Variants in ZNF800 observed in about 807,000 individuals in gnomAD.
ZNF800 encodes the protein zinc finger protein 800.
In ZNF800, 13 loss-of-function variants were observed where a neutral mutation model predicts 59.5. The ratio of observed to expected loss-of-function variants is 0.22; its 90% CI spans 0.14 to 0.35. The LOEUF (loss-of-function observed/expected upper bound fraction) is 0.35. Among genes scored for constraint, ZNF800 ranks in the 10% least tolerant of loss-of-function variants. The probability of loss-of-function intolerance (pLI) is 1.00; values close to 1 mark genes in which losing one functional copy is unlikely to be tolerated. For synonymous variants in ZNF800, 266 were observed against 265.7 expected (o/e 1.00, Z -0.01); for missense variants, 621 against 783.7 (o/e 0.79, Z 2.48).
In ZNF800 at chr7:127,374,724, T is replaced by C. The variant is rs748203706; in HGVS notation, c.612A>G (p.Ala204=). ...CCTGAGGTTGTTCATCAGATGTAGG[T>C]GCAACTTCATCTGTAACAATCTCAA... is the stretch of plus-strand genomic sequence containing the variant. The part of the protein sequence containing the change: ...PPVEIVTDEV[A]PTSDEQPQES... Residue 204 remains alanine, a synonymous_variant, in exon 5 of 6, where the codon GCA becomes GCG. Coordinates refer to ENST00000265827, the MANE Select transcript of ZNF800 (RefSeq NM_176814.5). The C allele has an allele frequency of 1.9e-6, 3 of 1,614,050 alleles. No homozygotes were observed. Among genetic ancestry groups the C allele is most frequent in the East Asian group, 2.2e-5 (1 of 44,870 alleles).
At chr7:127,390,924 T>C (rs910602448) in intron 2 of ZNF800, among the ~76,000 whole-genome samples, 36 of 152,360 alleles carry the variant, frequency 2.4e-4, no homozygotes, top group African/African-American at 7.2e-4. Flanking sequence ...TAATTATGTA[T>C]TCTACCTAAA....
downstream of ZNF800, among the ~76,000 whole-genome samples, chr7:127,345,812 G>C (rs1239738252): frequency 6.6e-6 from 1 of 152,180 alleles, no homozygotes; most frequent in East Asian, 1.9e-4. Flanking sequence ...GTAGCAGAGA[G>C]ACCAGGTGGG....
At chr7:127,363,180 G>A (rs1467503451) in intron 1 of ZNF800, 2 of 152,054 alleles carry the variant, frequency 1.3e-5, no homozygotes, top group Non-Finnish European at 2.9e-5. Flanking sequence ...TTGCATTTAA[G>A]ATACTGGTGA....
In ZNF800 at chr7:127,392,073, C is replaced by A; in HGVS notation, c.-72G>T. On this transcript the variant is annotated 5_prime_UTR_variant, in exon 1 of 6. Coordinates refer to ENST00000265827, the MANE Select transcript of ZNF800 (RefSeq NM_176814.5). Reference sequence around the variant, plus strand: ...CGCCCAACTTACTCAACTCTTAGGGCGGGCCGGCGGGCGGGCGGAAGGAAG... The same window carrying A: ...CGCCCAACTTACTCAACTCTTAGGGAGGGCCGGCGGGCGGGCGGAAGGAAG... 2.6e-6 allele frequency: 1 copy of A among 391,074 alleles called. No homozygotes were observed. The highest frequency in any genetic ancestry group is 4.5e-6 in the Non-Finnish European group (1 of 221,408). 24.2% of individuals were successfully genotyped at this position (391,074 alleles called of 1,614,324 possible). A position where few individuals can be genotyped will look rare whatever the true frequency, so the allele number is the denominator to read the frequency against.
chr7:127,357,712 C>T (rs1179841954), intron 1 of ZNF800, among the ~76,000 whole-genome samples: 1 of 151,968 alleles, frequency 6.6e-6, no homozygotes, highest in Admixed American at 6.6e-5. Flanking sequence ...CAGATTTTAT[C>T]TTAAAACCTC....
At chr7:127,360,381 A>C (rs1562897838) in intron 1 of ZNF800, 1 of 152,074 alleles carries the variant, frequency 6.6e-6, no homozygotes, top group African/African-American at 2.4e-5. Flanking sequence ...AAACTCCTCT[A>C]CTCTAGTACA....
downstream of ZNF800, among the ~76,000 whole-genome samples, chr7:127,367,103 G>A (rs1325544669): frequency 6.6e-6 from 1 of 151,914 alleles, no homozygotes; most frequent in African/African-American, 2.4e-5. Flanking sequence ...CTGCTCAGAG[G>A]GCAACATCCA....
chr7:127,370,321 T>G lies in ZNF800; in HGVS notation c.*1493A>C, dbSNP rs1307583268. The G allele has an allele frequency of 1.3e-5, 2 of 152,572 alleles. No homozygotes were observed. The highest frequency in any genetic ancestry group is 2.9e-5 in the Non-Finnish European group (2 of 67,988). 9.5% of individuals were successfully genotyped at this position (152,572 alleles called of 1,614,324 possible). ...AAATTTGATAATAAAACATTTAAGT[T>G]TCAACCAATGCACCTTTGCTGAAGC... On this transcript the variant is annotated 3_prime_UTR_variant, in exon 6 of 6. Coordinates refer to ENST00000265827, the MANE Select transcript of ZNF800 (RefSeq NM_176814.5).
intron 1 of ZNF800, chr7:127,360,277 G>A (rs1196598596): frequency 6.6e-6 from 1 of 152,026 alleles, no homozygotes; most frequent in African/African-American, 2.4e-5. Context: ...AAATTTTGTA[G>A]GCAATTTGAA....
At chr7:127,373,216 T>A in intron 5 of ZNF800, 126 bp downstream of exon 5, 3 of 1,475,532 alleles carry the variant, frequency 2.0e-6, no homozygotes, top group Non-Finnish European at 2.7e-6. Flanking sequence ...CTCTTGCAGT[T>A]CCCATTGCCA....
chr7:127,357,027 A>T (rs1190236353), intron 1 of ZNF800, among the ~76,000 whole-genome samples: 2 of 152,066 alleles, frequency 1.3e-5, no homozygotes, highest in Admixed American at 6.6e-5. Context: ...ATACAGACCT[A>T]TGCTTTCTTT....
At chr7:127,344,898 A>G (rs575514403), downstream of ZNF800, among the ~76,000 whole-genome samples, 11 of 152,190 alleles carry the variant, frequency 7.2e-5, no homozygotes, top group Non-Finnish European at 1.2e-4. Context: ...ATAGACAGAT[A>G]TTTATATAAC....
chr7:127,362,734 A>G (rs1800419062), intron 1 of ZNF800: 1 of 152,178 alleles, frequency 6.6e-6, no homozygotes, highest in Non-Finnish European at 1.5e-5. Context: ...GGAACATGAA[A>G]CAAACAACAA....
intron 1 of ZNF800, chr7:127,351,569 A>C (rs1181911161): frequency 6.6e-6 from 1 of 152,200 alleles, no homozygotes; most frequent in African/African-American, 2.4e-5. Context: ...GACAATGATT[A>C]TTTTTGCTGG....
intron 1 of ZNF800, among the ~76,000 whole-genome samples, chr7:127,356,284 A>T (rs1056053952): frequency 1.2e-4 from 18 of 151,688 alleles, no homozygotes; most frequent in East Asian, 5.9e-4. Context: ...TGTGTGTGAG[A>T]GAGAGAGAGT....
chr7:127,383,088 T>C (rs1050536214), intron 3 of ZNF800, among the ~76,000 whole-genome samples: 2 of 152,202 alleles, frequency 1.3e-5, no homozygotes, highest in Non-Finnish European at 2.9e-5. Flanking sequence ...AGCTGAAATG[T>C]CAGGCAAACA....
chr7:127,354,246 C>A (rs996472761), intron 1 of ZNF800, among the ~76,000 whole-genome samples: 2 of 152,090 alleles, frequency 1.3e-5, no homozygotes, highest in Admixed American at 6.6e-5. Context: ...TAACTTTCAA[C>A]ATTATTTATC....
At chr7:127,379,058 T>C (rs960618713) in intron 3 of ZNF800, among the ~76,000 whole-genome samples, 1 of 152,116 alleles carries the variant, frequency 6.6e-6, no homozygotes, top group African/African-American at 2.4e-5. Flanking sequence ...CAAATCTATG[T>C]TTACTCCACT....
At chr7:127,349,383 T>C (rs1445085646) in intron 1 of ZNF800, among the ~76,000 whole-genome samples, 4 of 152,196 alleles carry the variant, frequency 2.6e-5, no homozygotes, top group Non-Finnish European at 4.4e-5. Flanking sequence ...GATAATAAAA[T>C]TATAATAATA....
Sources: gnomAD v4.1 joint callset for allele counts (sites outside exome capture counted in the v4.1 genomes callset) on GRCh38, gnomAD v4.1.1 for gene constraint, MANE v1.5 for transcripts, NCBI Gene and HGNC (gene_info 2026-07-23, HGNC 2026-07-21) for gene names.